NBAS: variants seen among roughly 807,000 people sequenced by gnomAD.
NBAS encodes NBAS subunit of NRZ tethering complex.
Under a neutral mutation model 302.5 loss-of-function variants are expected in NBAS, and 219 were observed. The ratio of observed to expected loss-of-function variants is 0.72; its 90% confidence interval spans 0.65 to 0.81. The LOEUF is 0.81. Among genes scored for constraint, NBAS ranks in the 30% least tolerant of loss-of-function variants. The pLI is 0.00. For synonymous variants in NBAS, 1,118 were observed against 1,021.6 expected (o/e 1.09, Z -1.80); for missense variants, 2,932 against 2,841.6 (o/e 1.03, Z -0.72).
At chr2:15,091,016 A>G in the NBAS span, among the ~76,000 whole-genome samples, 1 of 152,144 alleles carries the variant, frequency 6.6e-6, no homozygotes, top group Non-Finnish European at 1.5e-5. Context: ...CCAAGCCCTA[A>G]CACAAACAAG....
the NBAS span, among the ~76,000 whole-genome samples, chr2:15,059,995 C>G: frequency 6.8e-6 from 1 of 146,390 alleles, no homozygotes; most frequent in African/African-American, 2.5e-5. Flanking sequence ...AAACACTCCA[C>G]GTAGAAGTGT....
chr2:15,232,677 T>A (rs1344331494), intron 46 of NBAS, among the ~76,000 whole-genome samples, 166 bp from the exon 47 acceptor site: 1 of 152,204 alleles, frequency 6.6e-6, no homozygotes, highest in Non-Finnish European at 1.5e-5. Context: ...AGCCCTACAC[T>A]AGGTGCTAAT....
chr2:14,977,856 A>T, the NBAS span, among the ~76,000 whole-genome samples: 1 of 152,172 alleles, frequency 6.6e-6, no homozygotes, highest in Non-Finnish European at 1.5e-5. Context: ...CCAATTCTTC[A>T]ATAGGGATTG....
chr2:15,239,225 T>TA (rs1281185096), intron 44 of NBAS, among the ~76,000 whole-genome samples: 2 of 152,100 alleles, frequency 1.3e-5, no homozygotes, highest in East Asian at 1.9e-4. Flanking sequence ...CATAGAATGT[T>TA]AAAACTTAGA....
chr2:15,034,113 G>A, the NBAS span, among the ~76,000 whole-genome samples: 2 of 148,364 alleles, frequency 1.3e-5, no homozygotes, highest in Admixed American at 6.7e-5. Context: ...AGGAGAAGAA[G>A]GAGAAGGAGA....
chr2:15,043,765 C>G, the NBAS span, among the ~76,000 whole-genome samples: 2 of 152,218 alleles, frequency 1.3e-5, no homozygotes, highest in Non-Finnish European at 1.5e-5. Flanking sequence ...AAGTCTAGCT[C>G]TGCCAGGAAC....
At chr2:14,996,405 T>C in the NBAS span, among the ~76,000 whole-genome samples, 1 of 152,018 alleles carries the variant, frequency 6.6e-6, no homozygotes, top group Non-Finnish European at 1.5e-5. Context: ...AGCGAATGAG[T>C]GGTGGAGTCC....
At chr2:15,070,559 G>A in the NBAS span, among the ~76,000 whole-genome samples, 3 of 152,204 alleles carry the variant, frequency 2.0e-5, no homozygotes, top group East Asian at 5.8e-4. Flanking sequence ...GTCTCGGCCA[G>A]GCCAAAGGCA....
chr2:15,314,961 A>T (rs1225544933), intron 38 of NBAS, among the ~76,000 whole-genome samples: 2 of 152,182 alleles, frequency 1.3e-5, no homozygotes, highest in African/African-American at 4.8e-5. Flanking sequence ...ATCAAAACTA[A>T]TCTACAGTGG....
chr2:15,492,261 T>C (rs183440340), intron 11 of NBAS, among the ~76,000 whole-genome samples: 1 of 152,314 alleles, frequency 6.6e-6, no homozygotes, highest in African/African-American at 2.4e-5. Context: ...ATTATTTTGC[T>C]TATAAATACA....
rs1449501114 is a variant in NBAS, at chr2:15,424,904, T to TA, written c.2424-437_2424-436insT. Among the ~76,000 whole-genome samples the TA allele has an allele frequency of 3.9e-5, 6 of 152,288 alleles. No homozygotes were observed. The East Asian group carries it at 1.2e-3, about 29-fold the overall frequency. On this transcript the variant is annotated intron_variant, in intron 22 of 51. Coordinates refer to ENST00000281513, the MANE Select transcript of NBAS (RefSeq NM_015909.4). Reference sequence around the variant, plus strand: ...AACTTGAATTTGAATTAAGAAATCTTGTTTTCGATGTTCATAAAAATAAGA... The same window carrying TA: ...AACTTGAATTTGAATTAAGAAATCTTAGTTTTCGATGTTCATAAAAATAAGA...
At chr2:15,408,744 C>T (rs1388250338) in intron 25 of NBAS, among the ~76,000 whole-genome samples, 2 of 152,122 alleles carry the variant, frequency 1.3e-5, no homozygotes, top group African/African-American at 2.4e-5. Context: ...AAATAAGAAA[C>T]ATATAATGTG....
the NBAS span, among the ~76,000 whole-genome samples, chr2:14,999,408 C>T: frequency 6.6e-6 from 1 of 152,136 alleles, no homozygotes; most frequent in Non-Finnish European, 1.5e-5. Context: ...ACCCAAATCT[C>T]CATGTTGAAT....
the NBAS span, among the ~76,000 whole-genome samples, chr2:15,021,523 A>G: frequency 3.3e-5 from 5 of 152,212 alleles, no homozygotes; most frequent in Admixed American, 2.0e-4. Context: ...TGAAGGATGC[A>G]TAGCATACAT....
intron 3 of NBAS, among the ~76,000 whole-genome samples, chr2:15,554,719 G>C (rs1664564471): frequency 6.6e-6 from 1 of 150,936 alleles, no homozygotes; most frequent in Admixed American, 6.6e-5. Context: ...GTCATTGAAA[G>C]AACTAGAAAC....
At chr2:14,874,601 C>T in the NBAS span, among the ~76,000 whole-genome samples, 1 of 147,866 alleles carries the variant, frequency 6.8e-6, no homozygotes, top group Non-Finnish European at 1.5e-5. Flanking sequence ...GATGGCGCCA[C>T]TGCACTCCAG....
rs1472550937 is a variant in NBAS at position 15,327,859 on chromosome 2, G to C, written c.4473C>G (p.Thr1491=). The part of the protein sequence containing the change: ...SNPFVAESEG[T]YDTYQHVPVE... ...CTGGAACATGCTGATAGGTGTCATA[G>C]GTCCCTTCAGACTACACAAAAGAAG... The change falls in exon 38 of 52, where the codon ACC becomes ACG. Residue 1491 remains threonine, a synonymous_variant. Coordinates refer to ENST00000281513, the MANE Select transcript of NBAS (RefSeq NM_015909.4). The C allele has an allele frequency of 6.2e-7, 1 of 1,613,434 alleles. No homozygotes were observed. Among genetic ancestry groups the C allele is most frequent in the African/African-American group, 1.3e-5 (1 of 74,924 alleles).
chr2:15,473,498 T>C, intron 15 of NBAS, 151 bp from the exon 16 acceptor site: 1 of 1,001,944 alleles, frequency 1.0e-6, no homozygotes, highest in Non-Finnish European at 1.5e-6. Context: ...CACAGATATT[T>C]TGAGGAGCAG....
chr2:14,934,414 T>C, the NBAS span, among the ~76,000 whole-genome samples: 228 of 152,336 alleles, frequency 1.5e-3, no homozygotes, highest in African/African-American at 4.6e-3. Context: ...CATTAAGTAT[T>C]ACTTATACTT....
Sources: gnomAD v4.1 joint callset for allele counts (sites outside exome capture counted in the v4.1 genomes callset) on GRCh38, gnomAD v4.1.1 for gene constraint, MANE v1.5 for transcripts, NCBI Gene and HGNC (gene_info 2026-07-23, HGNC 2026-07-21) for gene names.